The following DAB1 variants were observed in gnomAD, a reference collection of about 807,000 sequenced individuals.
The protein encoded by DAB1 is DAB adaptor protein 1.
In DAB1, 15 loss-of-function variants were observed where a neutral mutation model predicts 64.6. That is an observed-to-expected ratio of 0.23 (90% CI 0.16 to 0.36). DAB1 has a LOEUF of 0.36. Among genes scored for constraint, DAB1 ranks in the 10% least tolerant of loss-of-function variants. The pLI, the probability that DAB1 is intolerant of heterozygous loss-of-function variation, is 1.00. For missense variants in DAB1, 596 were observed against 706.7 expected (o/e 0.84, Z 1.78); for synonymous variants, 235 against 251.9 (o/e 0.93, Z 0.64).
chr1:58,071,363 G>GGTGTGTGTGT (rs548977353), intron 5 of DAB1, among the ~76,000 whole-genome samples: 3,150 of 135,730 alleles, frequency 0.023, 80 homozygotes, highest in South Asian at 0.083. Flanking sequence ...AAAGGAGAAT[G>GGTGTGTGTGT]GTGTGTGTGT....
chr1:58,368,555 A>ATCAT (rs140838), intron 3 of DAB1, among the ~76,000 whole-genome samples: 189 of 152,024 alleles, frequency 1.2e-3, no homozygotes, highest in African/African-American at 4.2e-3. Flanking sequence ...AGTATTTTTA[A>ATCAT]TTGTTTGTTT....
rs376474357 is a variant in DAB1 at position 58,160,200 on chromosome 1, A to C, written n.310-9612T>G. On this transcript the variant is annotated intron_variant and non_coding_transcript_variant, in intron 4 of 20. Coordinates refer to the DAB1 transcript ENST00000485760. ...GTTGCAGGTAGGCCAGGGGGTAAGG[A>C]GGGGTGGTAAGAGCTGTCACCCAGT... Among the ~76,000 whole-genome samples the C allele has an allele frequency of 3.9e-4, 60 of 152,164 alleles. No homozygotes were observed. The South Asian group carries it at 0.012, about 31-fold the overall frequency.
chr1:57,521,215 T>C (rs1218421093), intron 7 of DAB1, among the ~76,000 whole-genome samples: 2 of 152,204 alleles, frequency 1.3e-5, no homozygotes, highest in Non-Finnish European at 2.9e-5. Context: ...GATTTTTCAG[T>C]TCTCGAAATG....
At chr1:57,025,198 C>T (rs1646745566) in intron 10 of DAB1, among the ~76,000 whole-genome samples, 3 of 152,224 alleles carry the variant, frequency 2.0e-5, no homozygotes, top group South Asian at 2.1e-4. Flanking sequence ...GGGGCCATCT[C>T]GGCTCTTTTC....
chr1:57,282,182 CA>C (rs61512431), intron 2 of DAB1, among the ~76,000 whole-genome samples: 2,437 of 92,646 alleles, frequency 0.026, 83 homozygotes, highest in African/African-American at 0.07. Context: ...GCCTTCTTCT[CA>C]AAAAAAAAAA....
At chr1:58,294,617 A>G (rs1021068605) in intron 4 of DAB1, among the ~76,000 whole-genome samples, 7 of 152,106 alleles carry the variant, frequency 4.6e-5, no homozygotes, top group Admixed American at 3.9e-4. Context: ...GAAAACATAA[A>G]TCCAATTTCA....
At chr1:58,016,006 A>AGG (rs368278441) in intron 5 of DAB1, among the ~76,000 whole-genome samples, 13 of 146,046 alleles carry the variant, frequency 8.9e-5, no homozygotes, top group African/African-American at 3.1e-4. Context: ...CAAACAGCCT[A>AGG]GGGGGGGGTA....
chr1:57,075,887 A>T (rs937234675), intron 4 of DAB1, among the ~76,000 whole-genome samples: 2 of 152,190 alleles, frequency 1.3e-5, no homozygotes, highest in African/African-American at 2.4e-5. Context: ...CAAAAAGATG[A>T]TCCCTTGATA....
chr1:57,370,535 G>A (rs1424142828), intron 1 of DAB1, among the ~76,000 whole-genome samples: 3 of 151,572 alleles, frequency 2.0e-5, no homozygotes, highest in Admixed American at 6.6e-5. Flanking sequence ...ATGTGAATCT[G>A]ATATCTACTT....
chr1:58,139,659 C>T (rs961041453), intron 5 of DAB1, among the ~76,000 whole-genome samples: 8 of 152,064 alleles, frequency 5.3e-5, no homozygotes, highest in Non-Finnish European at 8.8e-5. Context: ...ACAGCCAAAC[C>T]GTATCATTTA....
At chr1:57,184,197 C>T (rs1396364887) in intron 2 of DAB1, among the ~76,000 whole-genome samples, 1 of 152,182 alleles carries the variant, frequency 6.6e-6, no homozygotes, top group Non-Finnish European at 1.5e-5. Flanking sequence ...GAAGCTAGTA[C>T]CCTCCACAAG....
chr1:57,475,738 C>A (rs535422556), intron 7 of DAB1, among the ~76,000 whole-genome samples: 1 of 152,202 alleles, frequency 6.6e-6, no homozygotes, highest in African/African-American at 2.4e-5. Context: ...ATGTTACCGG[C>A]CAACGCCATC....
At chr1:58,366,017 A>G (rs530058276) in intron 3 of DAB1, among the ~76,000 whole-genome samples, 4 of 152,266 alleles carry the variant, frequency 2.6e-5, no homozygotes, top group Admixed American at 2.6e-4. Flanking sequence ...GGCAAAAACT[A>G]CCAGTGACTG....
At chr1:58,430,537 G>A (rs1644860680) in intron 3 of DAB1, among the ~76,000 whole-genome samples, 1 of 152,212 alleles carries the variant, frequency 6.6e-6, no homozygotes, top group African/African-American at 2.4e-5. Flanking sequence ...GCAGTGTAAA[G>A]TCAGGAGGCT....
intron 6 of DAB1, among the ~76,000 whole-genome samples, chr1:57,779,414 G>C (rs960123783): frequency 6.6e-6 from 1 of 152,134 alleles, no homozygotes; most frequent in Non-Finnish European, 1.5e-5. Flanking sequence ...ATTCTCAAGA[G>C]CTGCAGAGGC....
intron 6 of DAB1, among the ~76,000 whole-genome samples, chr1:57,661,607 C>T (rs957552611): frequency 6.6e-6 from 1 of 151,896 alleles, no homozygotes; most frequent in African/African-American, 2.4e-5. Flanking sequence ...TTCCAGGAAC[C>T]CCCCATACCA....
chr1:57,603,431 T>C (rs1439416042), intron 7 of DAB1, among the ~76,000 whole-genome samples: 1 of 152,200 alleles, frequency 6.6e-6, no homozygotes, highest in African/African-American at 2.4e-5. Context: ...GTGCCTTCTA[T>C]CTACAGCTCT....
intron 2 of DAB1, among the ~76,000 whole-genome samples, chr1:57,168,987 T>G (rs943756683): frequency 1.3e-5 from 2 of 152,028 alleles, no homozygotes; most frequent in Middle Eastern, 3.2e-3. Context: ...GTACAGAAGT[T>G]TGAGGCTGCA....
At chr1:57,696,190 A>G (rs1482948342) in intron 6 of DAB1, among the ~76,000 whole-genome samples, 2 of 151,956 alleles carry the variant, frequency 1.3e-5, no homozygotes, top group African/African-American at 2.4e-5. Flanking sequence ...GAGGTCAGAG[A>G]CCTTATCTTT....
Sources: gnomAD v4.1 joint callset for allele counts (sites outside exome capture counted in the v4.1 genomes callset) on GRCh38, gnomAD v4.1.1 for gene constraint, MANE v1.5 for transcripts, NCBI Gene and HGNC (gene_info 2026-07-23, HGNC 2026-07-21) for gene names.